RGS6: variants seen among roughly 807,000 people sequenced by gnomAD.
RGS6 encodes the protein regulator of G protein signaling 6.
A neutral mutation model predicts 78.5 loss-of-function variants in RGS6; 30 were observed. That is an observed-to-expected ratio of 0.38 (90% confidence interval 0.29 to 0.52). RGS6 has a LOEUF of 0.52. Ranked by LOEUF, RGS6 falls within the 20% of genes least tolerant of loss-of-function variation. The pLI, the probability that RGS6 is intolerant of heterozygous loss-of-function variation, is 0.85. For missense variants in RGS6, 495 were observed against 609.7 expected (o/e 0.81, Z 1.98); for synonymous variants, 206 against 206.0 (o/e 1.00, Z 0.00).
intron 2 of RGS6, among the ~76,000 whole-genome samples, chr14:71,968,272 T>C: frequency 6.6e-6 from 1 of 152,162 alleles, no homozygotes; most frequent in East Asian, 1.9e-4. Flanking sequence ...AAGGTATTTC[T>C]ATTTAATAGG....
At chr14:72,113,403 A>G (rs1010254525) in intron 2 of RGS6, among the ~76,000 whole-genome samples, 7 of 152,188 alleles carry the variant, frequency 4.6e-5, no homozygotes, top group African/African-American at 1.4e-4. Context: ...ATAGCTTTCA[A>G]ACTGTGGTGG....
chr14:72,328,749 G>A (rs1256128144), intron 2 of RGS6, among the ~76,000 whole-genome samples: 2 of 152,188 alleles, frequency 1.3e-5, no homozygotes, highest in Non-Finnish European at 2.9e-5. Flanking sequence ...ATGGGTGTGA[G>A]ATTGAAGAAG....
intron 2 of RGS6, among the ~76,000 whole-genome samples, chr14:71,981,872 C>T (rs1327888528): frequency 6.9e-6 from 1 of 145,648 alleles, no homozygotes; most frequent in Non-Finnish European, 1.5e-5. Context: ...ATGGTGGGCA[C>T]CCCTCCCCCA....
At chr14:72,099,827 T>C (rs1235088393) in intron 2 of RGS6, among the ~76,000 whole-genome samples, 1 of 152,208 alleles carries the variant, frequency 6.6e-6, no homozygotes, top group Non-Finnish European at 1.5e-5. Context: ...TGGTTACTTT[T>C]GTTGAGCACT....
chr14:72,030,284 T>C (rs1268421291), intron 2 of RGS6, among the ~76,000 whole-genome samples: 1 of 152,098 alleles, frequency 6.6e-6, no homozygotes, highest in Non-Finnish European at 1.5e-5. Context: ...ATTTCAGCAA[T>C]TACATTACAT....
intron 2 of RGS6, among the ~76,000 whole-genome samples, chr14:72,157,605 G>A (rs767835041): frequency 3.3e-5 from 5 of 152,146 alleles, no homozygotes; most frequent in Non-Finnish European, 5.9e-5. Flanking sequence ...GATATTTTCA[G>A]GACCACTTGG....
intron 3 of RGS6, among the ~76,000 whole-genome samples, chr14:72,410,131 A>G (rs560259842): frequency 1.3e-5 from 2 of 152,230 alleles, no homozygotes; most frequent in Non-Finnish European, 2.9e-5. Context: ...TCCCTGAGGA[A>G]TCGCCACACC....
At chr14:72,135,716 G>T (rs1159548845) in intron 2 of RGS6, among the ~76,000 whole-genome samples, 2 of 152,060 alleles carry the variant, frequency 1.3e-5, no homozygotes, top group African/African-American at 2.4e-5. Context: ...TTGATATTCA[G>T]AGAGGAGTGA....
At chr14:71,935,524 C>T (rs1357651163) in intron 1 of RGS6, among the ~76,000 whole-genome samples, 1 of 152,156 alleles carries the variant, frequency 6.6e-6, no homozygotes, top group Non-Finnish European at 1.5e-5. Flanking sequence ...TTAGTTTTTA[C>T]TGGTGGTCCT....
intron 2 of RGS6, among the ~76,000 whole-genome samples, chr14:72,198,900 A>G (rs1036595957): frequency 1.3e-5 from 2 of 152,240 alleles, no homozygotes; most frequent in Admixed American, 6.5e-5. Context: ...AGTGGCAAAA[A>G]CAGTAAATAC....
At chr14:72,569,791 C>T (rs2097718222), downstream of RGS6, among the ~76,000 whole-genome samples, 1 of 152,176 alleles carries the variant, frequency 6.6e-6, no homozygotes, top group Admixed American at 6.5e-5. Flanking sequence ...CACACTGTTG[C>T]ATGTCTAGGT....
Position 72,144,387 on chromosome 14 carries a change from G to A in RGS6, c.84+179512G>A, listed in dbSNP as rs142190336. Among the ~76,000 whole-genome samples, 391 of 152,208 alleles carry A rather than the reference G, an allele frequency of 2.6e-3. 4 individuals are homozygous for A. Among genetic ancestry groups the A allele is most frequent in the African/African-American group, 8.6e-3 (356 of 41,532 alleles). On this transcript the variant is annotated intron_variant, in intron 2 of 17. Coordinates refer to ENST00000553525, the MANE Select transcript of RGS6 (RefSeq NM_001204424.2). Reference sequence around the variant, plus strand: ...TAATGTTTTAAAACCCCTTTCCCCCGATGAATGTTACCCTGTCCCTAGGAG... The same window carrying A: ...TAATGTTTTAAAACCCCTTTCCCCCAATGAATGTTACCCTGTCCCTAGGAG...
At chr14:71,923,511 A>G in the RGS6 span, among the ~76,000 whole-genome samples, 2 of 152,200 alleles carry the variant, frequency 1.3e-5, no homozygotes, top group African/African-American at 4.8e-5. Flanking sequence ...GATTGAGCCC[A>G]GGAGTTTGAG....
At chr14:71,977,095 T>C (rs1243823146) in intron 2 of RGS6, among the ~76,000 whole-genome samples, 6 of 119,118 alleles carry the variant, frequency 5.0e-5, no homozygotes, top group Non-Finnish European at 7.5e-5. Context: ...CTTCGTCCAC[T>C]TTTTGATGGG....
At chr14:72,057,332 A>C (rs1002171774) in intron 2 of RGS6, among the ~76,000 whole-genome samples, 1 of 151,252 alleles carries the variant, frequency 6.6e-6, no homozygotes, top group African/African-American at 2.4e-5. Context: ...AAAAAAAAAA[A>C]AAAAAAAAGA....
In RGS6 at chr14:72,287,103, C is replaced by T. The variant is rs187482688; in HGVS notation, c.85-64992C>T. On this transcript the variant is annotated intron_variant, in intron 2 of 17. Transcript: ENST00000553525. Reference sequence around the variant, plus strand: ...CTGACCAGGATTGTTTTCTTAATTTCCTTTTCAGATAGTTCAGTCTTAGTA... The same window carrying T: ...CTGACCAGGATTGTTTTCTTAATTTTCTTTTCAGATAGTTCAGTCTTAGTA... Among the ~76,000 whole-genome samples the T allele has an allele frequency of 1.8e-3, 268 of 152,270 alleles. 1 individual carries two copies. The highest frequency in any genetic ancestry group is 6.9e-4 in the Non-Finnish European group (47 of 68,018).
intron 2 of RGS6, among the ~76,000 whole-genome samples, chr14:71,994,414 G>A (rs531608983): frequency 1.3e-5 from 2 of 151,994 alleles, no homozygotes; most frequent in East Asian, 1.9e-4. Context: ...AGGATTCCTC[G>A]AATACAGTGC....
At chr14:72,627,304 A>G in the RGS6 span, among the ~76,000 whole-genome samples, 1 of 152,022 alleles carries the variant, frequency 6.6e-6, no homozygotes, top group African/African-American at 2.4e-5. Context: ...TAGATCCCCA[A>G]TGTATTTGGT....
chr14:71,877,628 C>T, the RGS6 span, among the ~76,000 whole-genome samples: 10 of 152,324 alleles, frequency 6.6e-5, no homozygotes, highest in South Asian at 2.1e-3. Flanking sequence ...TGAACATCCT[C>T]CTTTAGCTCA....
Sources: gnomAD v4.1 joint callset for allele counts (sites outside exome capture counted in the v4.1 genomes callset) on GRCh38, gnomAD v4.1.1 for gene constraint, MANE v1.5 for transcripts, NCBI Gene and HGNC (gene_info 2026-07-23, HGNC 2026-07-21) for gene names.